Variants in PSMA1 observed in about 807,000 individuals in gnomAD.
The protein encoded by PSMA1 is proteasome subunit alpha type-1.
In PSMA1, 3 loss-of-function variants were observed where a neutral mutation model predicts 38.4. That is an observed-to-expected ratio of 0.08 (90% CI 0.04 to 0.20). The LOEUF (loss-of-function observed/expected upper bound fraction) is 0.20. Ranked by LOEUF, PSMA1 falls within the 10% of genes least tolerant of loss-of-function variation. The probability of loss-of-function intolerance (pLI) is 1.00; values close to 1 mark genes in which losing one functional copy is unlikely to be tolerated. For missense variants in PSMA1, 227 were observed against 325.3 expected (o/e 0.70, Z 2.32); for synonymous variants, 101 against 107.1 (o/e 0.94, Z 0.35).
At chr11:14,541,056 T>C (rs1851768820) in intron 2 of PSMA1, among the ~76,000 whole-genome samples, 2 of 152,178 alleles carry the variant, frequency 1.3e-5, no homozygotes, top group Non-Finnish European at 2.9e-5. Flanking sequence ...ACCTGCACGT[T>C]GTGAACATGT....
At chr11:14,518,359 A>G (rs1851470237) in intron 2 of PSMA1, among the ~76,000 whole-genome samples, 1 of 152,308 alleles carries the variant, frequency 6.6e-6, no homozygotes, top group Non-Finnish European at 1.5e-5. Flanking sequence ...TTGGCCTCCC[A>G]AAGTGCTGGG....
chr11:14,520,521 G>A, upstream of PSMA1: 1 of 1,408,930 alleles, frequency 7.1e-7, no homozygotes, highest in Non-Finnish European at 9.3e-7. Context: ...GAAGATCTAG[G>A]AACTGAGACT....
chr11:14,623,649 G>A (rs1852876335), intron 1 of PSMA1, among the ~76,000 whole-genome samples: 1 of 152,174 alleles, frequency 6.6e-6, no homozygotes, highest in Non-Finnish European at 1.5e-5. Flanking sequence ...CAGTGAAGCA[G>A]ATATAATAAC....
At chr11:14,595,003 G>A (rs1177554637) in intron 2 of PSMA1, among the ~76,000 whole-genome samples, 10 of 149,834 alleles carry the variant, frequency 6.7e-5, no homozygotes, top group South Asian at 2.2e-4. Context: ...GTGAGAACAC[G>A]CACTGTTTGA....
intron 2 of PSMA1, among the ~76,000 whole-genome samples, chr11:14,548,512 TG>T (rs35610537): frequency 6.6e-6 from 1 of 152,322 alleles, no homozygotes; most frequent in Non-Finnish European, 1.5e-5. Context: ...GTATAGATAC[TG>T]GTGTACAAGT....
chr11:14,584,696 G>C (rs963263332), intron 2 of PSMA1, among the ~76,000 whole-genome samples: 1 of 151,968 alleles, frequency 6.6e-6, no homozygotes, highest in African/African-American at 2.4e-5. Context: ...GCATTCCTCT[G>C]GCTCCTGAAC....
At chr11:14,520,584 CT>C (rs1851513359), upstream of PSMA1, 1 of 926,112 alleles carries the variant, frequency 1.1e-6, no homozygotes, top group Non-Finnish European at 1.5e-6. Flanking sequence ...GGGGCAGCCC[CT>C]GTCACGTAGC....
In PSMA1 at chr11:14,534,289, A is replaced by G. The variant is rs1851680534; in HGVS notation, c.22-15248T>C. ...TCAAATTATATATGATTCTTTTTAA[A>G]CCTGCTTTTCTATGTAAACATTAAA... On this transcript the variant is annotated intron_variant, in intron 2 of 10. Transcript: ENST00000418988. The surrounding 1 kb of genome is among the most constrained non-coding windows in gnomAD (Gnocchi z 4.5). 1.3e-5 allele frequency among the ~76,000 whole-genome samples: 2 copies of G among 152,220 alleles called. No homozygotes were observed. The highest frequency in any genetic ancestry group is 4.8e-5 in the African/African-American group (2 of 41,458).
intron 2 of PSMA1, among the ~76,000 whole-genome samples, chr11:14,531,679 T>C (rs1387172077): frequency 6.6e-6 from 1 of 152,092 alleles, no homozygotes; most frequent in Non-Finnish European, 1.5e-5. Context: ...AAGCTGGTCT[T>C]GAACTCCTGA....
At chr11:14,585,852 G>C (rs975524827) in intron 2 of PSMA1, among the ~76,000 whole-genome samples, 10 of 151,952 alleles carry the variant, frequency 6.6e-5, no homozygotes, top group African/African-American at 2.4e-4. Flanking sequence ...TCCCTCCACT[G>C]CAAGACTTCA....
At chr11:14,511,946 A>G (rs1851351404) in intron 7 of PSMA1, among the ~76,000 whole-genome samples, 1 of 152,226 alleles carries the variant, frequency 6.6e-6, no homozygotes, top group South Asian at 2.1e-4. Context: ...AATCAACTGT[A>G]TTTCTATATA....
At chr11:14,596,270 A>AT (rs1430595815) in intron 2 of PSMA1, among the ~76,000 whole-genome samples, 2 of 152,186 alleles carry the variant, frequency 1.3e-5, no homozygotes, top group Admixed American at 1.3e-4. Context: ...ATTTTTTCCA[A>AT]TTCTGTGAAG....
chr11:14,615,042 T>C (rs1852754758), intron 1 of PSMA1, among the ~76,000 whole-genome samples: 1 of 152,214 alleles, frequency 6.6e-6, no homozygotes. Flanking sequence ...TCCAAAAGCA[T>C]CATGTGCTTC....
At chr11:14,625,046 T>C (rs952617576) in intron 1 of PSMA1, among the ~76,000 whole-genome samples, 9 of 152,184 alleles carry the variant, frequency 5.9e-5, no homozygotes, top group Non-Finnish European at 1.3e-4. Context: ...CCTTCTAAGT[T>C]TTCCCTCAGG....
chr11:14,539,746 G>T (rs186852945), intron 2 of PSMA1, among the ~76,000 whole-genome samples: 1 of 152,248 alleles, frequency 6.6e-6, no homozygotes, highest in South Asian at 2.1e-4. Flanking sequence ...CTACTCAGGA[G>T]GCTGAGGCAG....
chr11:14,507,578 G>C (rs185104672), intron 9 of PSMA1, 78 bp downstream of exon 9: 75 of 1,011,214 alleles, frequency 7.4e-5, no homozygotes, highest in East Asian at 5.6e-4. Flanking sequence ...AAGACAAAAT[G>C]GAAAATTTAC....
At chr11:14,507,287 C>T (rs1474815616) in intron 9 of PSMA1, among the ~76,000 whole-genome samples, 1 of 151,854 alleles carries the variant, frequency 6.6e-6, no homozygotes, top group Non-Finnish European at 1.5e-5. Flanking sequence ...TCCTGCCTCA[C>T]CTCCTGAGTA....
chr11:14,632,197 G>C (rs1040778401), intron 1 of PSMA1, among the ~76,000 whole-genome samples: 2 of 145,694 alleles, frequency 1.4e-5, no homozygotes, highest in African/African-American at 5.4e-5. Context: ...GTGTGAATTT[G>C]ATCCTGTCAT....
chr11:14,628,908 G>T (rs1262111051), intron 1 of PSMA1, among the ~76,000 whole-genome samples: 87 of 150,782 alleles, frequency 5.8e-4, no homozygotes, highest in East Asian at 9.7e-4. Context: ...TGCATTTCTC[G>T]GATGGCCAGT....
Sources: gnomAD v4.1 joint callset for allele counts (sites outside exome capture counted in the v4.1 genomes callset) on GRCh38, gnomAD v4.1.1 for gene constraint, Gnocchi (gnomAD v3.1) non-coding constraint, MANE v1.5 for transcripts, NCBI Gene and HGNC (gene_info 2026-07-23, HGNC 2026-07-21) for gene names.